The following OPCML variants were observed in gnomAD, a reference collection of about 807,000 sequenced individuals.
The protein encoded by OPCML is opioid-binding protein/cell adhesion molecule.
OPCML carries 13 observed loss-of-function variants against 37.8 expected under a neutral mutation model. The observed-to-expected ratio is 0.34, with a 90% confidence interval of 0.22 to 0.55. The LOEUF is 0.55. Ranked by LOEUF, OPCML falls within the 20% of genes least tolerant of loss-of-function variation. The pLI is 0.91. For synonymous variants in OPCML, 176 were observed against 168.8 expected, an observed-to-expected ratio of 1.04 and a Z score of -0.33; for missense variants, 341 against 435.6, an observed-to-expected ratio of 0.78 and a Z score of 1.93.
intron 2 of OPCML, among the ~76,000 whole-genome samples, chr11:132,840,235 T>G (rs1941229782): frequency 6.6e-6 from 1 of 152,168 alleles, no homozygotes; most frequent in African/African-American, 2.4e-5. Flanking sequence ...CTGGGTGTTT[T>G]TCAGATATGG....
intron 1 of OPCML, among the ~76,000 whole-genome samples, chr11:133,424,980 GACTA>G (rs1236786981): frequency 6.6e-6 from 1 of 152,146 alleles, no homozygotes; most frequent in Non-Finnish European, 1.5e-5. Context: ...AACATGACAT[GACTA>G]TTCCAGGAAA....
chr11:133,124,195 G>A (rs1331891113), intron 1 of OPCML, among the ~76,000 whole-genome samples: 3 of 151,680 alleles, frequency 2.0e-5, no homozygotes, highest in Non-Finnish European at 4.4e-5. Flanking sequence ...GGCATTTTAA[G>A]AAAGTGAATT....
intron 3 of OPCML, among the ~76,000 whole-genome samples, chr11:132,627,266 G>A (rs1175257388): frequency 6.6e-6 from 1 of 152,124 alleles, no homozygotes; most frequent in Non-Finnish European, 1.5e-5. Context: ...TAACCTGTAG[G>A]TGAAATGTCA....
chr11:133,252,427 T>G (rs939983450), intron 1 of OPCML, among the ~76,000 whole-genome samples: 3 of 152,190 alleles, frequency 2.0e-5, no homozygotes, highest in Admixed American at 2.0e-4. Context: ...TATTTTCAAA[T>G]TTCTGTTGCT....
At chr11:133,473,379 A>T (rs1001277710) in intron 1 of OPCML, among the ~76,000 whole-genome samples, 4 of 152,216 alleles carry the variant, frequency 2.6e-5, no homozygotes, top group Non-Finnish European at 5.9e-5. Context: ...ATGTTTGTTC[A>T]GTCTTATTTT....
chr11:132,940,418 G>A (rs770248155), intron 2 of OPCML, among the ~76,000 whole-genome samples: 9 of 152,324 alleles, frequency 5.9e-5, no homozygotes, highest in African/African-American at 1.4e-4. Context: ...CATGTGATGC[G>A]CTTGGAACAC....
At chr11:133,448,450 C>CCTG (rs1292779048) in intron 1 of OPCML, among the ~76,000 whole-genome samples, 4 of 151,884 alleles carry the variant, frequency 2.6e-5, no homozygotes, top group Admixed American at 1.3e-4. Flanking sequence ...GTAGAAATGT[C>CCTG]TAGTGTTTTT....
chr11:133,026,660 G>T, intron 1 of OPCML: 1 of 832,506 alleles, frequency 1.2e-6, no homozygotes, highest in Non-Finnish European at 1.4e-6. Context: ...TGCATTGCCT[G>T]GATTCCTACA....
At chr11:132,748,357 G>T (rs184697129) in intron 2 of OPCML, among the ~76,000 whole-genome samples, 90 of 152,116 alleles carry the variant, frequency 5.9e-4, no homozygotes, top group Non-Finnish European at 1.0e-3. Flanking sequence ...TCGAATGCCC[G>T]CTTTCTGTAA....
At chr11:133,326,918 G>A (rs147370097) in intron 1 of OPCML, among the ~76,000 whole-genome samples, 4 of 145,362 alleles carry the variant, frequency 2.8e-5, no homozygotes, top group African/African-American at 5.1e-5. Flanking sequence ...TGTGTGGGGC[G>A]GCGAGTGTGT....
Position 132,446,138 on chromosome 11 carries a change from G to A in OPCML, c.506-8779C>T, listed in dbSNP as rs927385920. 9.9e-5 allele frequency among the ~76,000 whole-genome samples: 13 copies of A among 131,594 alleles called. No homozygotes were observed. In the South Asian group the frequency reaches 1.0e-3, roughly 10 times the overall value. The allele number at this position is 131,594 out of a possible 152,430, so 86.3% of individuals were successfully genotyped here. A position where few individuals can be genotyped will look rare whatever the true frequency, so the allele number is the denominator to read the frequency against. ...TTTTTTTTTTTTTTTTTTGAGATGG[G>A]TTCATTATGTGTGGGAAGAATCAAG... On this transcript the variant is annotated intron_variant, in intron 4 of 7. Coordinates refer to ENST00000524381, the MANE Select transcript of OPCML (RefSeq NM_001012393.5).
At chr11:133,529,850 G>T (rs1246454590) in intron 1 of OPCML, among the ~76,000 whole-genome samples, 5 of 152,216 alleles carry the variant, frequency 3.3e-5, no homozygotes, top group Non-Finnish European at 2.9e-5. Context: ...TCGCAAGTAA[G>T]CCATGGCAGC....
chr11:132,471,888 A>C (rs2136963344), intron 4 of OPCML, among the ~76,000 whole-genome samples: 1 of 152,352 alleles, frequency 6.6e-6, no homozygotes, highest in Non-Finnish European at 1.5e-5. Flanking sequence ...AAGCAGGCTC[A>C]GCTGACATGT....
chr11:132,948,828 G>C (rs1406843511), intron 1 of OPCML, among the ~76,000 whole-genome samples: 3 of 152,124 alleles, frequency 2.0e-5, no homozygotes, highest in Non-Finnish European at 2.9e-5. Flanking sequence ...CATAAAAAAA[G>C]ATGGGAGTGA....
chr11:132,687,427 T>C (rs1943214147), intron 2 of OPCML, among the ~76,000 whole-genome samples: 1 of 95,862 alleles, frequency 1.0e-5, no homozygotes, highest in African/African-American at 3.5e-5. Flanking sequence ...TATATATATA[T>C]ATTTAATCTG....
chr11:132,445,259 G>A lies in OPCML; in HGVS notation c.506-7900C>T, dbSNP rs1033307341. 7.2e-5 allele frequency among the ~76,000 whole-genome samples: 11 copies of A among 152,322 alleles called. No homozygotes were observed. The East Asian group carries it at 2.1e-3, about 29-fold the overall frequency. On this transcript the variant is annotated intron_variant, in intron 4 of 7. Coordinates refer to ENST00000524381, the MANE Select transcript of OPCML (RefSeq NM_001012393.5). Reference sequence around the variant, plus strand: ...GCTGGGGGCTCAGAGGAATTCCCTGGCAGGGGTGAGTTTTCTAGATCCTCC... The same window carrying A: ...GCTGGGGGCTCAGAGGAATTCCCTGACAGGGGTGAGTTTTCTAGATCCTCC...
intron 2 of OPCML, among the ~76,000 whole-genome samples, chr11:132,777,867 C>A (rs1316830672): frequency 6.6e-6 from 1 of 152,210 alleles, no homozygotes; most frequent in African/African-American, 2.4e-5. Flanking sequence ...TTAGTTCTTT[C>A]ATTCCCACAT....
intron 2 of OPCML, among the ~76,000 whole-genome samples, chr11:132,780,911 T>C (rs1056441096): frequency 7.9e-5 from 12 of 152,362 alleles, no homozygotes; most frequent in Non-Finnish European, 1.3e-4. Context: ...GGGGAAGTAG[T>C]ATATGCAATA....
chr11:132,921,310 G>T (rs2136584934), intron 2 of OPCML, among the ~76,000 whole-genome samples: 1 of 152,294 alleles, frequency 6.6e-6, no homozygotes, highest in East Asian at 1.9e-4. Flanking sequence ...CAATGGACGT[G>T]CGTTCTTTGG....
Sources: allele counts gnomAD v4.1 joint callset (sites outside exome capture counted in the v4.1 genomes callset), GRCh38; gene constraint gnomAD v4.1.1; transcripts MANE v1.5; gene names NCBI Gene and HGNC (gene_info 2026-07-23, HGNC 2026-07-21).